Variants in ZNF737 observed in about 807,000 individuals in gnomAD.
ZNF737 encodes the protein zinc finger protein 737, also known as zinc finger protein 102 (Y3).
A neutral mutation model predicts 11.7 loss-of-function variants in ZNF737; 13 were observed. The observed-to-expected ratio is 1.11, with a 90% CI of 0.73 to 1.77. The LOEUF is 1.77. ZNF737 is among the 40% of genes most tolerant of loss of function. ZNF737 has a pLI of 0.00. For synonymous variants in ZNF737, 217 were observed against 216.2 expected (o/e 1.00, Z -0.03); for missense variants, 636 against 638.0 (o/e 1.00, Z 0.03).
downstream of ZNF737, among the ~76,000 whole-genome samples, chr19:20,536,839 A>T (rs1445220588): frequency 6.6e-6 from 1 of 152,216 alleles, no homozygotes; most frequent in Non-Finnish European, 1.5e-5. Context: ...GCTACGCAGG[A>T]GGTTGAGGCA....
In ZNF737 at chr19:20,540,386, G is replaced by C. The variant is rs890878546; in HGVS notation, c.*4206C>G. ...CATTTTTTTTACACTCAAGAGGAAA[G>C]TATGACACAGCACGTGTGCAACAGA... is the stretch of plus-strand genomic sequence containing the variant. On this transcript the variant is annotated 3_prime_UTR_variant, in exon 4 of 4. Coordinates refer to ENST00000427401, the MANE Select transcript of ZNF737 (RefSeq NM_001159293.2). Among the ~76,000 whole-genome samples, 1 of 152,146 alleles carries C rather than the reference G, an allele frequency of 6.6e-6. No homozygotes were observed. The highest frequency in any genetic ancestry group is 6.5e-5 in the Admixed American group (1 of 15,272).
At position 20,545,280 on chromosome 19, in the gene ZNF737, C is replaced by T; in HGVS notation, c.923G>A (p.Ser308Asn). 1.2e-6 allele frequency: 2 copies of T among 1,608,752 alleles called. No homozygotes were observed. Among genetic ancestry groups the T allele is most frequent in the Non-Finnish European group, 1.7e-6 (2 of 1,178,398 alleles). ...TTCACATTTGTAGGGTTTCTCTCCG[C>T]TATGAATTATCTTATGCGCAGTAAG... is the stretch of plus-strand genomic sequence containing the variant. ...SILTAHKIIH[S>N]GEKPYKCEEC... is the part of the protein sequence containing the mutation. Residue 308 changes from serine to asparagine, a missense_variant, in exon 4 of 4, where the codon AGC becomes AAC. Coordinates refer to ENST00000427401, the MANE Select transcript of ZNF737 (RefSeq NM_001159293.2).
intron 3 of ZNF737, 41 bp downstream of exon 3, chr19:20,552,434 T>C (rs782312764): frequency 2.8e-6 from 4 of 1,446,448 alleles, no homozygotes; most frequent in South Asian, 1.3e-5. Context: ...TGGGACCTCT[T>C]ATCTGTGTCG....
intron 3 of ZNF737, among the ~76,000 whole-genome samples, chr19:20,549,538 G>A (rs1226559464): frequency 4.6e-5 from 7 of 151,988 alleles, no homozygotes; most frequent in African/African-American, 9.7e-5. Flanking sequence ...CAAGGCAGAA[G>A]AATCACTTGA....
rs33937 is a variant in ZNF737 at position 20,538,428 on chromosome 19, T to G, written c.*6164A>C. On this transcript the variant is annotated 3_prime_UTR_variant, in exon 4 of 4. Transcript: ENST00000427401. ...TAAAAAGTTCTAAGTTGCTAAACAA[T>G]TGGGACATACAGAATGTGAGGTCCC... 0.045 allele frequency among the ~76,000 whole-genome samples: 6,914 copies of G among 152,288 alleles called. 234 individuals are homozygous for G. Among genetic ancestry groups the G allele is most frequent in the East Asian group, 0.19 (997 of 5,180 alleles).
rs1231674629 is a variant in ZNF737, at chr19:20,539,975, A to G, written c.*4617T>C. On this transcript the variant is annotated 3_prime_UTR_variant, in exon 4 of 4. Transcript: ENST00000427401. ...CCAGGTTACCTTTTTCCTCCCATTAATGTGGACCTGTTGTGGTCTCCTGTT... is the reference window on the plus strand; with the variant it reads ...CCAGGTTACCTTTTTCCTCCCATTAGTGTGGACCTGTTGTGGTCTCCTGTT... 1 of 985,230 alleles carries G rather than the reference A, an allele frequency of 1.0e-6. No individual in the cohort carries two copies. Among genetic ancestry groups the G allele is most frequent in the Non-Finnish European group, 1.2e-6 (1 of 829,898 alleles). The allele number at this position is 985,230 out of a possible 1,614,324, so 61.0% of individuals were successfully genotyped here. A position where few individuals can be genotyped will look rare whatever the true frequency, so the allele number is the denominator to read the frequency against.
At chr19:20,552,723 C>G (rs1968728818) in intron 2 of ZNF737, among the ~76,000 whole-genome samples, 153 bp from the exon 3 acceptor site, 1 of 151,662 alleles carries the variant, frequency 6.6e-6, no homozygotes, top group Non-Finnish European at 1.5e-5. Context: ...TTAGAAAATA[C>G]TTTAAATTTG....
intron 2 of ZNF737, 72 bp downstream of exon 2, chr19:20,553,635 TAA>T: frequency 7.0e-7 from 1 of 1,428,042 alleles, no homozygotes; most frequent in Non-Finnish European, 9.6e-7. Flanking sequence ...AATAAATTAC[TAA>T]AAAAATTCTA....
chr19:20,553,044 G>C (rs1555759109), intron 2 of ZNF737, among the ~76,000 whole-genome samples: 2 of 149,338 alleles, frequency 1.3e-5, no homozygotes, highest in South Asian at 4.3e-4. Flanking sequence ...GAAAAAGAAA[G>C]AAAATACTTT....
At chr19:20,535,249 G>A (rs1189075971), downstream of ZNF737, among the ~76,000 whole-genome samples, 14 of 152,040 alleles carry the variant, frequency 9.2e-5, no homozygotes, top group African/African-American at 2.4e-4. Context: ...CTGCACTCCA[G>A]CTTGGGTGAC....
Position 20,538,561 on chromosome 19 carries a change from A to T in ZNF737, c.*6031T>A. 2 of 862,008 alleles carry T rather than the reference A, an allele frequency of 2.3e-6. No homozygotes were observed. The highest frequency in any genetic ancestry group is 2.8e-6 in the Non-Finnish European group (2 of 717,520). 53.4% of individuals were successfully genotyped at this position (862,008 alleles called of 1,614,324 possible). A position where few individuals can be genotyped will look rare whatever the true frequency, so the allele number is the denominator to read the frequency against. Reference sequence around the variant, plus strand: ...TCGTGGCAAAACTGCTTTCTGCAAAAAGTAAAAATGGCCTTGCTAAGAAAA... The same window carrying T: ...TCGTGGCAAAACTGCTTTCTGCAAATAGTAAAAATGGCCTTGCTAAGAAAA... On this transcript the variant is annotated 3_prime_UTR_variant, in exon 4 of 4. Coordinates refer to ENST00000427401, the MANE Select transcript of ZNF737 (RefSeq NM_001159293.2).
At chr19:20,532,193 C>T (rs1336998610), downstream of ZNF737, among the ~76,000 whole-genome samples, 1 of 149,996 alleles carries the variant, frequency 6.7e-6, no homozygotes, top group Non-Finnish European at 1.5e-5. Flanking sequence ...GACAAAGCCA[C>T]AGTCACCATT....
At chr19:20,556,285 T>A (rs1371668086) in intron 1 of ZNF737, among the ~76,000 whole-genome samples, 4 of 152,100 alleles carry the variant, frequency 2.6e-5, no homozygotes, top group African/African-American at 9.7e-5. Flanking sequence ...GGCCCTTCGT[T>A]AAAACAACAT....
chr19:20,554,904 C>T (rs1260373697), intron 1 of ZNF737, among the ~76,000 whole-genome samples: 4 of 151,212 alleles, frequency 2.6e-5, no homozygotes, highest in Admixed American at 6.6e-5. Flanking sequence ...CTCTTGTCCC[C>T]CAGGCTGGAG....
Position 20,544,483 on chromosome 19 carries a change from A to C in ZNF737, c.*109T>G. On this transcript the variant is annotated 3_prime_UTR_variant, in exon 4 of 4. Transcript: ENST00000427401. ...GTCTACTAAGGTTTGAGGATGAAAT[A>C]AAGGCTTTGCCACATTTATCACACT... 1 of 1,520,478 alleles carries C rather than the reference A, an allele frequency of 6.6e-7. No individual in the cohort carries two copies. The highest frequency in any genetic ancestry group is 8.8e-7 in the Non-Finnish European group (1 of 1,142,558). The allele number at this position is 1,520,478 out of a possible 1,614,324, so 94.2% of individuals were successfully genotyped here.
intron 3 of ZNF737, chr19:20,551,142 T>C (rs1555758246): frequency 6.6e-6 from 1 of 152,130 alleles, no homozygotes; most frequent in Non-Finnish European, 1.5e-5. Flanking sequence ...CCCACACAAT[T>C]GGGCCGGGCG....
At chr19:20,554,265 T>G (rs1968804058) in intron 1 of ZNF737, among the ~76,000 whole-genome samples, 1 of 152,214 alleles carries the variant, frequency 6.6e-6, no homozygotes, top group African/African-American at 2.4e-5. Context: ...TAAAGTTTGA[T>G]TTTTTGAATT....
In ZNF737 at chr19:20,539,355, C is replaced by G. The variant is rs1251576307; in HGVS notation, c.*5237G>C. The stretch of plus-strand genomic sequence containing the variant: ...CCCTGGGAAGCCCCTATAAAATACT[C>G]CCTTTGAATACTTTAGCCAGGATTT... On this transcript the variant is annotated 3_prime_UTR_variant, in exon 4 of 4. Coordinates refer to ENST00000427401, the MANE Select transcript of ZNF737 (RefSeq NM_001159293.2). The G allele has an allele frequency of 3.0e-6, 3 of 985,096 alleles. No individual in the cohort carries two copies. The highest frequency in any genetic ancestry group is 3.6e-6 in the Non-Finnish European group (3 of 829,876). 61.0% of individuals were successfully genotyped at this position (985,096 alleles called of 1,614,324 possible).
chr19:20,546,065 A>G, intron 3 of ZNF737, 89 bp from the exon 4 acceptor site: 1 of 1,414,176 alleles, frequency 7.1e-7, no homozygotes, highest in South Asian at 1.5e-5. Flanking sequence ...TATACAAACT[A>G]CATAAGCAAG....
Sources: allele counts gnomAD v4.1 joint callset (sites outside exome capture counted in the v4.1 genomes callset), GRCh38; gene constraint gnomAD v4.1.1; transcripts MANE v1.5; gene names NCBI Gene and HGNC (gene_info 2026-07-23, HGNC 2026-07-21).